The following ADAMTS3 variants were observed in gnomAD, a reference collection of about 807,000 sequenced individuals.
ADAMTS3 encodes ADAM metallopeptidase with thrombospondin type 1 motif 3.
In ADAMTS3, 73 loss-of-function variants were observed where a neutral mutation model predicts 129.0. The observed-to-expected ratio is 0.57, with a 90% CI of 0.47 to 0.69. ADAMTS3 has a LOEUF of 0.69. Ranked by LOEUF, ADAMTS3 falls within the 30% of genes least tolerant of loss-of-function variation. The pLI is 0.00. For synonymous variants in ADAMTS3, 477 were observed against 510.8 expected, an observed-to-expected ratio of 0.93 and a Z score of 0.89; for missense variants, 1,457 against 1,514.5, an observed-to-expected ratio of 0.96 and a Z score of 0.63.
At chr4:72,406,020 C>T (rs1339793743) in intron 4 of ADAMTS3, among the ~76,000 whole-genome samples, 1 of 152,104 alleles carries the variant, frequency 6.6e-6, no homozygotes, top group Non-Finnish European at 1.5e-5. Context: ...CTGTGACTCC[C>T]CACAATTCTT....
At chr4:72,510,679 A>G (rs190289253) in intron 3 of ADAMTS3, among the ~76,000 whole-genome samples, 133 of 152,190 alleles carry the variant, frequency 8.7e-4, no homozygotes, top group African/African-American at 2.9e-3. Context: ...TAAAATGTCC[A>G]TACTACCCAA....
At chr4:72,341,504 G>C (rs939144793) in intron 4 of ADAMTS3, among the ~76,000 whole-genome samples, 23 of 152,164 alleles carry the variant, frequency 1.5e-4, no homozygotes, top group African/African-American at 4.8e-4. Context: ...TCAACCTCAA[G>C]TCTTTTTCAC....
intron 19 of ADAMTS3, among the ~76,000 whole-genome samples, chr4:72,291,445 C>T (rs1423856024): frequency 6.8e-6 from 1 of 146,344 alleles, no homozygotes; most frequent in Non-Finnish European, 1.5e-5. Context: ...GTTCCCCTTC[C>T]TGTGTCCATG....
chr4:72,448,657 A>C (rs899394662), intron 3 of ADAMTS3, among the ~76,000 whole-genome samples: 3 of 151,758 alleles, frequency 2.0e-5, no homozygotes, highest in Admixed American at 6.6e-5. Context: ...AATAATAAAA[A>C]TATAATTTCA....
At chr4:72,418,104 T>A (rs944419135) in intron 3 of ADAMTS3, among the ~76,000 whole-genome samples, 1 of 151,964 alleles carries the variant, frequency 6.6e-6, no homozygotes, top group Non-Finnish European at 1.5e-5. Flanking sequence ...GAAAAGTAAT[T>A]GACAGGGCAG....
At chr4:72,305,540 T>C (rs1719061142) in intron 16 of ADAMTS3, among the ~76,000 whole-genome samples, 1 of 152,004 alleles carries the variant, frequency 6.6e-6, no homozygotes, top group Non-Finnish European at 1.5e-5. Flanking sequence ...GTATAAGAAA[T>C]ATAAGCTTGT....
At chr4:72,440,719 C>A (rs983584081) in intron 3 of ADAMTS3, among the ~76,000 whole-genome samples, 5 of 151,668 alleles carry the variant, frequency 3.3e-5, no homozygotes, top group Non-Finnish European at 7.4e-5. Flanking sequence ...CAGCTGAGAA[C>A]TTTATACAAA....
At chr4:72,418,025 G>T (rs546613129) in intron 3 of ADAMTS3, among the ~76,000 whole-genome samples, 51 of 151,008 alleles carry the variant, frequency 3.4e-4, no homozygotes, top group African/African-American at 1.1e-3. Flanking sequence ...GTCCTCATTT[G>T]ATTAAATCCA....
Position 72,303,949 on chromosome 4 carries a change from C to T in ADAMTS3, c.2392G>A (p.Asp798Asn), listed in dbSNP as rs201744499. The T allele has an allele frequency of 7.3e-5, 117 of 1,613,440 alleles. No individual in the cohort carries two copies. The highest frequency in any genetic ancestry group is 9.2e-5 in the Non-Finnish European group (108 of 1,179,658). Reference sequence around the variant, plus strand: ...ATAACAGGATCATGTAAAGGTCCATCGGTGTGAAGACTTTCAATGTCATCT... The same window carrying T: ...ATAACAGGATCATGTAAAGGTCCATTGGTGTGAAGACTTTCAATGTCATCT... The part of the protein sequence containing the change: ...IEDDIESLHT[D>N]GPLHDPVIVL... The change falls in exon 17 of 22, where the codon GAT (aspartate) becomes AAT (asparagine). Residue 798 changes from aspartate (D) to asparagine (N), a missense_variant. Transcript: ENST00000286657.
At chr4:72,479,486 G>A (rs968076290) in intron 3 of ADAMTS3, among the ~76,000 whole-genome samples, 5 of 152,194 alleles carry the variant, frequency 3.3e-5, no homozygotes, top group Non-Finnish European at 7.3e-5. Context: ...AAACTGGCTA[G>A]CCATATGTAG....
rs377159628 is a variant in ADAMTS3 at position 72,291,435 on chromosome 4, G to A, written c.2724-373C>T. On this transcript the variant is annotated intron_variant, in intron 19 of 21. Transcript: ENST00000286657. ...CCCACAACAGTCCCCAGAGTGTGAT[G>A]TTCCCCTTCCTGTGTCCATGTGTTC... Among the ~76,000 whole-genome samples the A allele has an allele frequency of 4.8e-4, 61 of 127,940 alleles. 2 individuals carry two copies. In the South Asian group the frequency reaches 0.015, roughly 31 times the overall value. The allele number at this position is 127,940 out of a possible 152,430, so 83.9% of individuals were successfully genotyped here. A position where few individuals can be genotyped will look rare whatever the true frequency, so the allele number is the denominator to read the frequency against.
intron 3 of ADAMTS3, among the ~76,000 whole-genome samples, chr4:72,461,234 A>C (rs928833441): frequency 6.6e-5 from 10 of 151,746 alleles, no homozygotes; most frequent in Non-Finnish European, 1.3e-4. Context: ...TATGAAATAA[A>C]AAATATGAAA....
chr4:72,468,075 C>T (rs1387068794), intron 3 of ADAMTS3, among the ~76,000 whole-genome samples: 3 of 151,984 alleles, frequency 2.0e-5, no homozygotes, highest in African/African-American at 7.2e-5. Context: ...TTCACTAATC[C>T]TTCAGAGGTT....
rs555678458 is a variant in ADAMTS3 at position 72,479,470 on chromosome 4, C to T, written c.505-64499G>A. 1.4e-3 allele frequency among the ~76,000 whole-genome samples: 219 copies of T among 152,234 alleles called. 1 individual carries two copies. Among genetic ancestry groups the T allele is most frequent in the Admixed American group, 0.011 (168 of 15,272 alleles). ...AGGATTCCCTATTTAATAAATGGTG[C>T]TGGGAAAACTGGCTAGCCATATGTA... On this transcript the variant is annotated intron_variant, in intron 3 of 21. Coordinates refer to ENST00000286657, the MANE Select transcript of ADAMTS3 (RefSeq NM_014243.3).
chr4:72,363,466 T>A (rs559028110), intron 4 of ADAMTS3, among the ~76,000 whole-genome samples: 43 of 152,332 alleles, frequency 2.8e-4, no homozygotes, highest in Middle Eastern at 6.8e-3. Context: ...CCTCCCTGAA[T>A]GAATGTAGAA....
At chr4:72,343,165 C>T (rs572664840) in intron 4 of ADAMTS3, among the ~76,000 whole-genome samples, 2 of 152,174 alleles carry the variant, frequency 1.3e-5, no homozygotes, top group East Asian at 3.9e-4. Context: ...GCCATCCCAC[C>T]CTAATCTTAT....
intron 3 of ADAMTS3, among the ~76,000 whole-genome samples, chr4:72,417,858 G>A (rs182539215): frequency 7.1e-6 from 1 of 141,268 alleles, no homozygotes; most frequent in Admixed American, 8.0e-5. Context: ...GCGTGAACCC[G>A]GGAGGCGGAG....
intron 4 of ADAMTS3, among the ~76,000 whole-genome samples, chr4:72,400,869 T>C (rs560334218): frequency 2.6e-5 from 4 of 151,010 alleles, no homozygotes; most frequent in African/African-American, 7.3e-5. Flanking sequence ...ATTGGACATA[T>C]GTATGTATAT....
intron 4 of ADAMTS3, among the ~76,000 whole-genome samples, chr4:72,410,310 A>G (rs1722154629): frequency 6.6e-6 from 1 of 152,082 alleles, no homozygotes; most frequent in Non-Finnish European, 1.5e-5. Flanking sequence ...TGACTTCTAC[A>G]TGTTTCCCAC....
Sources: allele counts gnomAD v4.1 joint callset (sites outside exome capture counted in the v4.1 genomes callset), GRCh38; gene constraint gnomAD v4.1.1; transcripts MANE v1.5; gene names NCBI Gene and HGNC (gene_info 2026-07-23, HGNC 2026-07-21).